The following SORCS3 variants were observed in gnomAD, a reference collection of about 807,000 sequenced individuals.
The protein encoded by SORCS3 is VPS10 domain-containing receptor SorCS3.
SORCS3 carries 57 observed loss-of-function variants against 146.3 expected under a neutral mutation model. The ratio of observed to expected loss-of-function variants is 0.39; its 90% CI spans 0.31 to 0.49. SORCS3 has a LOEUF of 0.49. Among genes scored for constraint, SORCS3 ranks in the 20% least tolerant of loss-of-function variants. SORCS3 has a pLI of 0.92. For missense variants in SORCS3, 1,341 were observed against 1,575.5 expected, an observed-to-expected ratio of 0.85 and a Z score of 2.52; for synonymous variants, 653 against 618.5, an observed-to-expected ratio of 1.06 and a Z score of -0.83.
At chr10:105,131,763 T>C (rs1047190975) in intron 7 of SORCS3, among the ~76,000 whole-genome samples, 1 of 152,006 alleles carries the variant, frequency 6.6e-6, no homozygotes, top group Non-Finnish European at 1.5e-5. Context: ...ACACATAATA[T>C]GGCCAGAGGA....
intron 14 of SORCS3, among the ~76,000 whole-genome samples, chr10:105,183,543 C>T (rs2056456215): frequency 6.6e-6 from 1 of 152,170 alleles, no homozygotes; most frequent in Non-Finnish European, 1.5e-5. Context: ...TGAACCAGAG[C>T]TGCTTCCATT....
chr10:104,661,653 A>C (rs935891504), intron 1 of SORCS3, among the ~76,000 whole-genome samples: 3 of 152,006 alleles, frequency 2.0e-5, no homozygotes, highest in African/African-American at 7.3e-5. Flanking sequence ...TTGTTATTTA[A>C]GGTAGTATGA....
chr10:104,956,236 C>G (rs1252020279), intron 3 of SORCS3, among the ~76,000 whole-genome samples: 1 of 152,196 alleles, frequency 6.6e-6, no homozygotes, highest in East Asian at 1.9e-4. Flanking sequence ...AGAGTTGGCT[C>G]TCTATAATCC....
intron 5 of SORCS3, among the ~76,000 whole-genome samples, chr10:105,080,728 A>G (rs962060924): frequency 6.6e-6 from 1 of 152,264 alleles, no homozygotes; most frequent in East Asian, 1.9e-4. Flanking sequence ...GTATGATATA[A>G]GGAAGGGGTC....
chr10:104,883,897 T>C (rs1307655212), intron 2 of SORCS3, among the ~76,000 whole-genome samples: 1 of 150,768 alleles, frequency 6.6e-6, no homozygotes, highest in Non-Finnish European at 1.5e-5. Context: ...TGGTGACTCC[T>C]GGGTTTTCTT....
At chr10:104,965,702 C>T (rs534379246) in intron 3 of SORCS3, among the ~76,000 whole-genome samples, 7 of 152,092 alleles carry the variant, frequency 4.6e-5, no homozygotes, top group Non-Finnish European at 8.8e-5. Flanking sequence ...TTTTTATTTG[C>T]TCACTGGTCA....
In SORCS3 at chr10:104,682,502, G is replaced by C. The variant is rs573638391; in HGVS notation, c.627+40548G>C. On this transcript the variant is annotated intron_variant, in intron 1 of 26. Transcript: ENST00000369701. ...GCCTGAACCTTATAAGTCCTCAGCAGGTTAGCTTTTATTTTTAAAAGTACT... is the reference window on the plus strand; with the variant it reads ...GCCTGAACCTTATAAGTCCTCAGCACGTTAGCTTTTATTTTTAAAAGTACT... Among the ~76,000 whole-genome samples the C allele has an allele frequency of 3.9e-5, 6 of 152,308 alleles. No homozygotes were observed. In the East Asian group the frequency reaches 1.2e-3, roughly 29 times the overall value.
At chr10:105,024,361 GTC>G (rs1258636895) in intron 4 of SORCS3, among the ~76,000 whole-genome samples, 2 of 151,938 alleles carry the variant, frequency 1.3e-5, no homozygotes, top group African/African-American at 4.8e-5. Context: ...TTTGACTTTT[GTC>G]TCTCACTGTT....
At chr10:104,805,263 A>T (rs549661291) in intron 1 of SORCS3, among the ~76,000 whole-genome samples, 20 of 152,364 alleles carry the variant, frequency 1.3e-4, no homozygotes, top group Admixed American at 3.3e-4. Context: ...GATGGGAGTA[A>T]TTCCAGTTGA....
intron 1 of SORCS3, among the ~76,000 whole-genome samples, chr10:104,741,568 T>C (rs995936173): frequency 6.6e-6 from 1 of 151,808 alleles, no homozygotes; most frequent in Non-Finnish European, 1.5e-5. Flanking sequence ...AGGACATAAA[T>C]GTTAAAGCTT....
Position 104,957,221 on chromosome 10 carries a change from T to G in SORCS3, c.796-20114T>G, listed in dbSNP as rs557687074. Among the ~76,000 whole-genome samples, 145 of 152,286 alleles carry G rather than the reference T, an allele frequency of 9.5e-4. 1 individual carries two copies. The highest frequency in any genetic ancestry group is 3.1e-3 in the African/African-American group (128 of 41,556). On this transcript the variant is annotated intron_variant, in intron 3 of 26. Transcript: ENST00000369701. The stretch of plus-strand genomic sequence containing the variant: ...TTTCCTCTTTAATATAGACTGTCAT[T>G]TAATCTAATATTATAGAAAATGATT...
intron 1 of SORCS3, among the ~76,000 whole-genome samples, chr10:104,694,749 T>C (rs957844117): frequency 7.9e-5 from 12 of 152,148 alleles, no homozygotes; most frequent in African/African-American, 2.7e-4. Flanking sequence ...GTCCTTCAGA[T>C]ACTCCCACAC....
intron 4 of SORCS3, among the ~76,000 whole-genome samples, chr10:105,038,829 T>C (rs2055321514): frequency 1.3e-5 from 2 of 152,196 alleles, no homozygotes; most frequent in African/African-American, 4.8e-5. Flanking sequence ...TTCTAAAACT[T>C]ACTATTAAAT....
chr10:105,145,433 G>T (rs1324283495), intron 8 of SORCS3, among the ~76,000 whole-genome samples: 1 of 151,916 alleles, frequency 6.6e-6, no homozygotes, highest in Non-Finnish European at 1.5e-5. Flanking sequence ...CAGCAAACCT[G>T]GCTGCCTCTA....
intron 5 of SORCS3, among the ~76,000 whole-genome samples, chr10:105,047,051 A>AT (rs2133707597): frequency 6.6e-6 from 1 of 152,258 alleles, no homozygotes; most frequent in Admixed American, 6.6e-5. Context: ...TATTTAAAAA[A>AT]ATATATCCTA....
At chr10:104,961,962 T>C (rs949115267) in intron 3 of SORCS3, among the ~76,000 whole-genome samples, 2 of 152,130 alleles carry the variant, frequency 1.3e-5, no homozygotes, top group Non-Finnish European at 2.9e-5. Context: ...AGGAACATAA[T>C]ATCAAGGTGG....
chr10:104,841,276 G>A (rs2018136749), intron 1 of SORCS3, among the ~76,000 whole-genome samples: 1 of 152,222 alleles, frequency 6.6e-6, no homozygotes, highest in Admixed American at 6.5e-5. Flanking sequence ...CTGTTGTGCT[G>A]TGGTAATAAG....
intron 2 of SORCS3, among the ~76,000 whole-genome samples, chr10:104,857,822 G>T (rs1462606401): frequency 6.6e-6 from 1 of 152,306 alleles, no homozygotes; most frequent in Non-Finnish European, 1.5e-5. Flanking sequence ...GGGAAACCGG[G>T]CCTCTTGTAA....
chr10:104,820,783 A>G (rs1483476230), intron 1 of SORCS3, among the ~76,000 whole-genome samples: 2 of 152,250 alleles, frequency 1.3e-5, no homozygotes, highest in Non-Finnish European at 2.9e-5. Context: ...AAGATAAAAT[A>G]TTAGTATTAC....
Sources: allele counts gnomAD v4.1 joint callset (sites outside exome capture counted in the v4.1 genomes callset), GRCh38; gene constraint gnomAD v4.1.1; transcripts MANE v1.5; gene names NCBI Gene and HGNC (gene_info 2026-07-23, HGNC 2026-07-21).